The following SLC12A1 variants were observed in gnomAD, a reference collection of about 807,000 sequenced individuals.
SLC12A1 encodes Na-K-2Cl cotransporter.
A neutral mutation model predicts 130.4 loss-of-function variants in SLC12A1; 89 were observed. The ratio of observed to expected loss-of-function variants is 0.68; its 90% CI spans 0.58 to 0.81. The LOEUF (loss-of-function observed/expected upper bound fraction) is 0.81, where lower values mean the gene tolerates loss of function less well. SLC12A1 is among the 40% of genes least tolerant of loss of function. The pLI, the probability that SLC12A1 is intolerant of heterozygous loss-of-function variation, is 0.00. For missense variants in SLC12A1, 1,310 were observed against 1,336.4 expected (o/e 0.98, Z 0.31); for synonymous variants, 499 against 460.0 (o/e 1.08, Z -1.09).
At chr15:48,219,704 A>T (rs950281499) in intron 2 of SLC12A1, among the ~76,000 whole-genome samples, 6 of 152,168 alleles carry the variant, frequency 3.9e-5, no homozygotes, top group Admixed American at 3.9e-4. Context: ...CTTTCATTGA[A>T]TTCTCTTAAA....
chr15:48,294,340 T>A (rs1597460719), intron 24 of SLC12A1, among the ~76,000 whole-genome samples: 1 of 101,460 alleles, frequency 9.9e-6, no homozygotes. Flanking sequence ...AGAGCAAGAC[T>A]ACATCTCAAA....
chr15:48,231,332 T>A (rs373955673), intron 7 of SLC12A1, among the ~76,000 whole-genome samples: 11 of 152,196 alleles, frequency 7.2e-5, no homozygotes, highest in African/African-American at 2.7e-4. Flanking sequence ...AGATCAATAA[T>A]AAGCAAGCAA....
intron 17 of SLC12A1, 87 bp downstream of exon 17, chr15:48,259,398 G>C: frequency 1.1e-6 from 1 of 926,098 alleles, no homozygotes; most frequent in Non-Finnish European, 1.8e-6. Context: ...TACATGCAGT[G>C]ACAGGAAAAT....
intron 2 of SLC12A1, among the ~76,000 whole-genome samples, chr15:48,214,645 G>C (rs1222454629): frequency 6.6e-6 from 1 of 152,068 alleles, no homozygotes; most frequent in Non-Finnish European, 1.5e-5. Flanking sequence ...TAATAATATT[G>C]ATCAGTAAGG....
intron 9 of SLC12A1, among the ~76,000 whole-genome samples, chr15:48,235,564 G>A (rs2041430395): frequency 6.6e-6 from 1 of 152,106 alleles, no homozygotes; most frequent in Non-Finnish European, 1.5e-5. Flanking sequence ...CCAGACACTT[G>A]GGAGGCTGAG....
At position 48,226,466 on chromosome 15, in the gene SLC12A1, T is replaced by C; in HGVS notation, c.629-10T>C. The C allele has an allele frequency of 6.6e-7, 1 of 1,514,846 alleles. No homozygotes were observed. The highest frequency in any genetic ancestry group is 9.0e-7 in the Non-Finnish European group (1 of 1,107,354). The allele number at this position is 1,514,846 out of a possible 1,614,324, so 93.8% of individuals were successfully genotyped here. On this transcript the variant is annotated splice_polypyrimidine_tract_variant and intron_variant, in intron 4 of 26. Coordinates refer to ENST00000380993, the MANE Select transcript of SLC12A1 (RefSeq NM_000338.3). ...AAAATGCAATATCTTCTATCTTTCA[T>C]TGCTAACAGGTCTTGGAGTTCTCAT...
intron 20 of SLC12A1, among the ~76,000 whole-genome samples, chr15:48,278,238 C>T (rs1285500088): frequency 3.9e-5 from 6 of 152,186 alleles, no homozygotes; most frequent in African/African-American, 1.4e-4. Context: ...AGCGAGACTC[C>T]GTCTCAACAA....
intron 17 of SLC12A1, among the ~76,000 whole-genome samples, chr15:48,263,524 T>A (rs2041798179): frequency 6.6e-6 from 1 of 152,184 alleles, no homozygotes; most frequent in South Asian, 2.1e-4. Flanking sequence ...CGTTTGATAC[T>A]GGCAGTTTCA....
chr15:48,218,723 G>A (rs565926010), intron 2 of SLC12A1, among the ~76,000 whole-genome samples: 10 of 152,268 alleles, frequency 6.6e-5, no homozygotes, highest in South Asian at 4.1e-4. Flanking sequence ...TTCTATAATC[G>A]TGGTAATTGA....
chr15:48,234,815 A>C, intron 8 of SLC12A1, 62 bp from the exon 9 acceptor site: 2 of 1,539,232 alleles, frequency 1.3e-6, no homozygotes, highest in Non-Finnish European at 1.8e-6. Flanking sequence ...GCCAATGGTA[A>C]CTTAATCTCC....
chr15:48,243,411 A>T (rs1233205550), intron 10 of SLC12A1, among the ~76,000 whole-genome samples: 1 of 152,152 alleles, frequency 6.6e-6, no homozygotes, highest in Non-Finnish European at 1.5e-5. Flanking sequence ...TAATCCCAGC[A>T]CTTTGGGAGG....
chr15:48,268,627 C>T lies in SLC12A1; in HGVS notation c.2295+926C>T, dbSNP rs373763283. Among the ~76,000 whole-genome samples the T allele has an allele frequency of 1.7e-4, 26 of 152,226 alleles. No homozygotes were observed. In the East Asian group the frequency reaches 3.8e-3, roughly 23 times the overall value. On this transcript the variant is annotated intron_variant, in intron 18 of 26. Coordinates refer to ENST00000380993, the MANE Select transcript of SLC12A1 (RefSeq NM_000338.3). Reference sequence around the variant, plus strand: ...GCCTAATTTCCCTTAAGAACACTTGCGAAGTAGATGCACGTACAGAGAAAC... The same window carrying T: ...GCCTAATTTCCCTTAAGAACACTTGTGAAGTAGATGCACGTACAGAGAAAC...
At chr15:48,275,584 A>C (rs1335794122) in intron 20 of SLC12A1, among the ~76,000 whole-genome samples, 2 of 152,192 alleles carry the variant, frequency 1.3e-5, no homozygotes, top group Non-Finnish European at 2.9e-5. Flanking sequence ...GTAGGAGTTA[A>C]CCAGACAAAG....
At position 48,208,095 on chromosome 15, in the gene SLC12A1, G is replaced by A; in HGVS notation, c.376G>A (p.Val126Ile). The A allele has an allele frequency of 6.2e-7, 1 of 1,609,460 alleles. No individual in the cohort carries two copies. The change falls in exon 2 of 27, where the codon GTC becomes ATC. Residue 126 changes from valine (V) to isoleucine (I), a missense_variant. Coordinates refer to ENST00000380993, the MANE Select transcript of SLC12A1 (RefSeq NM_000338.3). ...RNTGSISGPK[V>I]NRPSLLEIHE... Reference sequence around the variant, plus strand: ...CACCGGCAGCATCAGTGGGCCCAAGGTCAACCGACCCAGCCTGCTTGAGAT... The same window carrying A: ...CACCGGCAGCATCAGTGGGCCCAAGATCAACCGACCCAGCCTGCTTGAGAT...
rs1484549 is a variant in SLC12A1, at chr15:48,232,258, C to T, written c.976-469C>T. Among the ~76,000 whole-genome samples the T allele has an allele frequency of 8.9e-3, 1,353 of 152,320 alleles. 21 individuals carry two copies. The highest frequency in any genetic ancestry group is 0.031 in the African/African-American group (1,304 of 41,582). ...CAGACTGCTTGTGCTGAGCACACAG[C>T]GGCAGCCTGACGTCAAGTGCACTGG... On this transcript the variant is annotated intron_variant, in intron 7 of 26. Transcript: ENST00000380993.
intron 19 of SLC12A1, among the ~76,000 whole-genome samples, 178 bp downstream of exon 19, chr15:48,269,942 G>C (rs977454096): frequency 1.3e-5 from 2 of 152,174 alleles, no homozygotes; most frequent in African/African-American, 4.8e-5. Flanking sequence ...TAGAGTTTGA[G>C]GGAATCAGAG....
intron 17 of SLC12A1, among the ~76,000 whole-genome samples, chr15:48,260,432 T>TA (rs1288156745): frequency 6.6e-6 from 1 of 151,684 alleles, no homozygotes; most frequent in Non-Finnish European, 1.5e-5. Context: ...CTTAAGTACT[T>TA]ACGTATTCTT....
intron 23 of SLC12A1, among the ~76,000 whole-genome samples, chr15:48,289,955 A>AT (rs1191649444): frequency 1.3e-5 from 2 of 152,070 alleles, no homozygotes; most frequent in African/African-American, 4.8e-5. Context: ...AATAAAAAAT[A>AT]TTTTTTTCTT....
rs143924654 is a variant in SLC12A1, at chr15:48,253,247, A to G, written c.1942+1477A>G. ...TTCAGCCCTTTTAAATGTGCTGTCTATATGTTTTGACAAACTCGTACAGTG... is the reference window on the plus strand; with the variant it reads ...TTCAGCCCTTTTAAATGTGCTGTCTGTATGTTTTGACAAACTCGTACAGTG... On this transcript the variant is annotated intron_variant, in intron 15 of 26. Coordinates refer to ENST00000380993, the MANE Select transcript of SLC12A1 (RefSeq NM_000338.3). 2.5e-3 allele frequency among the ~76,000 whole-genome samples: 384 copies of G among 152,330 alleles called. 4 individuals carry two copies. Among genetic ancestry groups the G allele is most frequent in the African/African-American group, 8.7e-3 (362 of 41,566 alleles).
Sources: gnomAD v4.1 joint callset for allele counts (sites outside exome capture counted in the v4.1 genomes callset) on GRCh38, gnomAD v4.1.1 for gene constraint, MANE v1.5 for transcripts, NCBI Gene and HGNC (gene_info 2026-07-23, HGNC 2026-07-21) for gene names.